Variants in GRM1 observed in about 807,000 individuals in gnomAD.
GRM1 encodes the protein metabotropic glutamate receptor 1.
A neutral mutation model predicts 90.9 loss-of-function variants in GRM1; 33 were observed. The observed-to-expected ratio is 0.36, with a 90% CI of 0.28 to 0.49. The LOEUF (loss-of-function observed/expected upper bound fraction) is 0.49, where lower values mean the gene tolerates loss of function less well. Among genes scored for constraint, GRM1 ranks in the 20% least tolerant of loss-of-function variants. GRM1 has a pLI of 0.99. For synonymous variants in GRM1, 700 were observed against 613.2 expected, an observed-to-expected ratio of 1.14 and a Z score of -2.09; for missense variants, 1,190 against 1,534.3, an observed-to-expected ratio of 0.78 and a Z score of 3.75.
chr6:146,215,654 A>G (rs1378600521), intron 2 of GRM1, among the ~76,000 whole-genome samples: 1 of 135,702 alleles, frequency 7.4e-6, no homozygotes, highest in Admixed American at 7.0e-5. Context: ...TAACATCACC[A>G]CCAAAAATCT....
intron 2 of GRM1, among the ~76,000 whole-genome samples, chr6:146,178,564 A>T (rs933948009): frequency 6.6e-6 from 1 of 152,204 alleles, no homozygotes; most frequent in Non-Finnish European, 1.5e-5. Context: ...CATGAAACAA[A>T]GTTTGTGTAC....
At chr6:146,362,935 A>T (rs2115067879) in intron 5 of GRM1, among the ~76,000 whole-genome samples, 2 of 152,256 alleles carry the variant, frequency 1.3e-5, no homozygotes, top group African/African-American at 4.8e-5. Flanking sequence ...ATACGCTTAA[A>T]AATGGATGGA....
At chr6:146,293,324 G>A (rs1783059321) in intron 2 of GRM1, among the ~76,000 whole-genome samples, 1 of 151,966 alleles carries the variant, frequency 6.6e-6, no homozygotes, top group South Asian at 2.1e-4. Flanking sequence ...AAACAATGGA[G>A]AGGAGATGCT....
At chr6:146,380,896 A>T (rs1453178215) in intron 5 of GRM1, among the ~76,000 whole-genome samples, 2 of 152,086 alleles carry the variant, frequency 1.3e-5, no homozygotes, top group Non-Finnish European at 2.9e-5. Context: ...CTGGCCCAGG[A>T]TGTGTATAGA....
intron 2 of GRM1, among the ~76,000 whole-genome samples, chr6:146,196,271 C>A (rs147874429): frequency 4.1e-4 from 62 of 150,432 alleles, no homozygotes; most frequent in African/African-American, 1.1e-3. Flanking sequence ...GAGACTATTT[C>A]CATTTATCTA....
intron 7 of GRM1, among the ~76,000 whole-genome samples, chr6:146,411,582 C>G (rs76105207): frequency 0.013 from 1,940 of 152,196 alleles, 47 homozygotes; most frequent in African/African-American, 0.045. Flanking sequence ...CCCCAGTATG[C>G]AGGATGTTTA....
rs913424380 is a variant in GRM1 at position 146,089,292 on chromosome 6, T to A, written c.700+59075T>A. Among the ~76,000 whole-genome samples the A allele has an allele frequency of 8.3e-4, 126 of 152,216 alleles. 1 individual carries two copies. Among genetic ancestry groups the A allele is most frequent in the Non-Finnish European group, 1.0e-4 (7 of 68,014 alleles). On this transcript the variant is annotated intron_variant, in intron 1 of 7. Transcript: ENST00000282753. ...AGAGAGCTCACTCAGTCCTTCAGTA[T>A]CAAGGCAATGAATTCCGCCAGCAAA...
At chr6:146,396,674 G>C (rs1219963673) in intron 6 of GRM1, among the ~76,000 whole-genome samples, 1 of 151,950 alleles carries the variant, frequency 6.6e-6, no homozygotes, top group Non-Finnish European at 1.5e-5. Context: ...CATAAAATAA[G>C]ACTTTGTGTA....
chr6:146,423,608 T>C (rs1412927226), intron 7 of GRM1, among the ~76,000 whole-genome samples: 4 of 151,776 alleles, frequency 2.6e-5, no homozygotes, highest in Non-Finnish European at 5.9e-5. Context: ...CAGGAGTAGG[T>C]TTTAAGAGGG....
intron 5 of GRM1, among the ~76,000 whole-genome samples, chr6:146,386,154 C>T (rs920963182): frequency 1.3e-5 from 2 of 152,020 alleles, no homozygotes; most frequent in South Asian, 4.1e-4. Flanking sequence ...GTCTACAAGA[C>T]GTGCACTTCA....
chr6:146,146,201 G>T (rs748704077), intron 1 of GRM1, among the ~76,000 whole-genome samples: 30 of 124,338 alleles, frequency 2.4e-4, no homozygotes, highest in Admixed American at 1.9e-3. Flanking sequence ...TCATTCTCCT[G>T]CCTCAGCCTC....
At chr6:146,221,555 A>G (rs1405780252) in intron 2 of GRM1, among the ~76,000 whole-genome samples, 2 of 152,124 alleles carry the variant, frequency 1.3e-5, no homozygotes, top group African/African-American at 4.8e-5. Context: ...ATAGTATTCT[A>G]TGGTGTATAT....
intron 5 of GRM1, among the ~76,000 whole-genome samples, chr6:146,369,723 T>C (rs774890359): frequency 6.6e-6 from 1 of 152,140 alleles, no homozygotes; most frequent in East Asian, 1.9e-4. Flanking sequence ...TTTGGGGTCT[T>C]ATTTTGTCAC....
intron 2 of GRM1, among the ~76,000 whole-genome samples, chr6:146,233,134 ATCT>A (rs1423078086): frequency 6.6e-6 from 1 of 151,954 alleles, no homozygotes; most frequent in Non-Finnish European, 1.5e-5. Context: ...TATCTAAATT[ATCT>A]TCTTCTGTCT....
chr6:146,357,180 A>C (rs970950857), intron 4 of GRM1, among the ~76,000 whole-genome samples: 2 of 152,218 alleles, frequency 1.3e-5, no homozygotes, highest in South Asian at 4.1e-4. Context: ...ATAAAAAATT[A>C]ATGTTCTTAT....
Position 146,213,113 on chromosome 6 carries a change from T to C in GRM1, c.950+53516T>C, listed in dbSNP as rs1036909358. On this transcript the variant is annotated intron_variant, in intron 2 of 7. Transcript: ENST00000282753. Reference sequence around the variant, plus strand: ...AGCGAATTTCTAATGATTTTTTTTCTAGAGGAATTAATAGCTAAACTGAGA... The same window carrying C: ...AGCGAATTTCTAATGATTTTTTTTCCAGAGGAATTAATAGCTAAACTGAGA... Among the ~76,000 whole-genome samples the C allele has an allele frequency of 3.7e-4, 57 of 152,084 alleles. 1 individual carries two copies. The highest frequency in any genetic ancestry group is 6.6e-5 in the Admixed American group (1 of 15,252).
chr6:146,292,648 AC>A (rs1035371398), intron 2 of GRM1, among the ~76,000 whole-genome samples: 7 of 151,954 alleles, frequency 4.6e-5, no homozygotes, highest in Non-Finnish European at 8.8e-5. Context: ...CAAAAATGAA[AC>A]CCTTGTACAT....
intron 2 of GRM1, among the ~76,000 whole-genome samples, chr6:146,273,767 T>C (rs1263448282): frequency 1.3e-5 from 2 of 152,218 alleles, no homozygotes; most frequent in Non-Finnish European, 2.9e-5. Flanking sequence ...TTGGACTCAG[T>C]GTTTTGGAAC....
Position 146,083,527 on chromosome 6 carries a change from G to C in GRM1, c.700+53310G>C, listed in dbSNP as rs145474344. Among the ~76,000 whole-genome samples the C allele has an allele frequency of 9.1e-3, 1,382 of 152,272 alleles. 50 individuals are homozygous for C. Among genetic ancestry groups the C allele is most frequent in the Admixed American group, 0.064 (977 of 15,278 alleles). ...TGTCATTGGTTCTGTTTATGTGATA[G>C]ATTGTATTTATTGATTTGTGCATGT... On this transcript the variant is annotated intron_variant, in intron 1 of 7. Coordinates refer to ENST00000282753, the MANE Select transcript of GRM1 (RefSeq NM_001278064.2).
Sources: gnomAD v4.1 joint callset for allele counts (sites outside exome capture counted in the v4.1 genomes callset) on GRCh38, gnomAD v4.1.1 for gene constraint, MANE v1.5 for transcripts, NCBI Gene and HGNC (gene_info 2026-07-23, HGNC 2026-07-21) for gene names.